Variants in SLCO1B1 observed in about 807,000 individuals in gnomAD.
SLCO1B1 encodes the protein solute carrier organic anion transporter family member 1B1.
A neutral mutation model predicts 70.1 loss-of-function variants in SLCO1B1; 81 were observed. The observed-to-expected ratio is 1.16, with a 90% CI of 0.97 to 1.39. SLCO1B1 has a LOEUF of 1.39. SLCO1B1 is among the 40% of genes most tolerant of loss of function. SLCO1B1 has a pLI of 0.00. For synonymous variants in SLCO1B1, 283 were observed against 271.5 expected (o/e 1.04, Z -0.42); for missense variants, 895 against 799.6 (o/e 1.12, Z -1.44).
At position 21,217,051 on chromosome 12, in the gene SLCO1B1, G is replaced by A. The variant is rs4149072; in HGVS notation, c.1498-68G>A. On this transcript the variant is annotated intron_variant, in intron 11 of 14. Transcript: ENST00000256958. ...CAAGTGAGACTTCACTAAATATAAT[G>A]CAATGTATTTGCAGCACTGTTAGGT... The A allele has an allele frequency of 0.078, 88,247 of 1,131,958 alleles. 6,376 individuals carry two copies. The highest frequency in any genetic ancestry group is 0.29 in the East Asian group (12,366 of 42,530). The allele number at this position is 1,131,958 out of a possible 1,614,324, so 70.1% of individuals were successfully genotyped here.
intron 14 of SLCO1B1, among the ~76,000 whole-genome samples, chr12:21,228,730 G>A (rs1325467290): frequency 2.6e-5 from 4 of 152,116 alleles, no homozygotes; most frequent in African/African-American, 4.8e-5. Context: ...AAAAGCGAAG[G>A]AACAGCTTAT....
At chr12:21,164,893 TA>T in intron 2 of SLCO1B1, 1 of 461,784 alleles carries the variant, frequency 2.2e-6, no homozygotes, top group South Asian at 1.6e-5. Context: ...ATACATATTA[TA>T]CTGTCATTAT....
chr12:21,196,894 C>G (rs1217914891), intron 7 of SLCO1B1, 52 bp from the exon 8 acceptor site: 12 of 1,549,684 alleles, frequency 7.7e-6, no homozygotes, highest in Non-Finnish European at 1.1e-5. Flanking sequence ...TTCCCTGAAC[C>G]TATTGTATTT....
At chr12:21,189,447 T>C (rs1941002540) in intron 7 of SLCO1B1, among the ~76,000 whole-genome samples, 1 of 133,578 alleles carries the variant, frequency 7.5e-6, no homozygotes, top group Non-Finnish European at 1.6e-5. Context: ...AATTGTTTTT[T>C]CAAATTAATT....
intron 14 of SLCO1B1, among the ~76,000 whole-genome samples, chr12:21,226,496 G>C (rs959390090): frequency 3.3e-5 from 5 of 151,996 alleles, no homozygotes; most frequent in Admixed American, 2.6e-4. Context: ...TTTTGTAAAA[G>C]GGCCAAACTA....
chr12:21,186,190 AC>A (rs1389389021), intron 7 of SLCO1B1, among the ~76,000 whole-genome samples: 5 of 152,246 alleles, frequency 3.3e-5, no homozygotes, highest in African/African-American at 9.6e-5. Flanking sequence ...ACACATATGT[AC>A]CTCATATTAT....
intron 5 of SLCO1B1, 37 bp from the exon 6 acceptor site, chr12:21,178,539 T>C (rs780909054): frequency 1.4e-5 from 20 of 1,472,018 alleles, no homozygotes; most frequent in Non-Finnish European, 1.7e-5. Flanking sequence ...AATGCTAAAA[T>C]TAATGTTTAA....
chr12:21,186,595 A>G (rs1028272024), intron 7 of SLCO1B1, among the ~76,000 whole-genome samples: 10 of 152,110 alleles, frequency 6.6e-5, no homozygotes, highest in Admixed American at 5.9e-4. Context: ...CTTGATATAT[A>G]ATGCAGATTG....
chr12:21,204,493 G>A (rs1354736661), intron 10 of SLCO1B1, among the ~76,000 whole-genome samples: 8 of 147,998 alleles, frequency 5.4e-5, no homozygotes, highest in Admixed American at 2.0e-4. Context: ...GAGTGTGAAG[G>A]ACTTCTGAGA....
chr12:21,195,308 G>A (rs1229067740), intron 7 of SLCO1B1, among the ~76,000 whole-genome samples: 2 of 152,108 alleles, frequency 1.3e-5, no homozygotes, highest in Non-Finnish European at 1.5e-5. Context: ...TTTAGACAGT[G>A]GACAGAGAAG....
At chr12:21,212,449 T>A (rs1014362697) in intron 11 of SLCO1B1, among the ~76,000 whole-genome samples, 2 of 143,172 alleles carry the variant, frequency 1.4e-5, no homozygotes, top group African/African-American at 5.3e-5. Flanking sequence ...TAATTTCTGT[T>A]CTTTTCCATT....
intron 7 of SLCO1B1, among the ~76,000 whole-genome samples, chr12:21,179,631 C>G (rs1940868615): frequency 6.6e-6 from 1 of 151,796 alleles, no homozygotes; most frequent in African/African-American, 2.4e-5. Context: ...GTTATAAAAA[C>G]TGTCTCAACT....
chr12:21,239,131 T>C lies in SLCO1B1; in HGVS notation c.2018T>C (p.Leu673Ser). 1 of 1,613,138 alleles carries C rather than the reference T, an allele frequency of 6.2e-7. No individual in the cohort carries two copies. Among genetic ancestry groups the C allele is most frequent in the Non-Finnish European group, 8.5e-7 (1 of 1,179,414 alleles). ...SVMDEANLES[L>S]NKNKHFVPSA... ...ATGGATGAAGCAAACTTAGAATCCT[T>C]AAATAAAAATAAACATTTTGTCCCT... is the stretch of plus-strand genomic sequence containing the variant. Residue 673 changes from leucine (L) to serine (S), a missense_variant, in exon 15 of 15, where the codon TTA becomes TCA. Coordinates refer to ENST00000256958, the MANE Select transcript of SLCO1B1 (RefSeq NM_006446.5).
intron 3 of SLCO1B1, among the ~76,000 whole-genome samples, chr12:21,173,357 A>G (rs1940778071): frequency 6.6e-6 from 1 of 152,082 alleles, no homozygotes; most frequent in Non-Finnish European, 1.5e-5. Flanking sequence ...ATTTTTTTCT[A>G]GATAATTTAT....
intron 2 of SLCO1B1, among the ~76,000 whole-genome samples, chr12:21,158,155 G>A (rs1940566025): frequency 6.6e-6 from 1 of 152,136 alleles, no homozygotes; most frequent in South Asian, 2.1e-4. Flanking sequence ...TTTAACAAGT[G>A]TATACCCATC....
In SLCO1B1 at chr12:21,200,692, T is replaced by C. The variant is rs369729507; in HGVS notation, c.1135+20T>C. On this transcript the variant is annotated intron_variant, in intron 9 of 14. Transcript: ENST00000256958. ...TATTGGGTAAGACATATTTTTTACT[T>C]GTGTGCTTAATAAGTGAAATAATAC... 3.1e-4 allele frequency: 497 copies of C among 1,603,948 alleles called. No homozygotes were observed. Among genetic ancestry groups the C allele is most frequent in the Non-Finnish European group, 3.9e-4 (456 of 1,172,868 alleles).
At chr12:21,167,449 G>A (rs1940699890) in intron 2 of SLCO1B1, among the ~76,000 whole-genome samples, 2 of 152,082 alleles carry the variant, frequency 1.3e-5, no homozygotes, top group African/African-American at 4.8e-5. Flanking sequence ...AAAATGTTGT[G>A]GAACTCTTAT....
intron 2 of SLCO1B1, among the ~76,000 whole-genome samples, chr12:21,165,800 C>T (rs1940677192): frequency 6.6e-6 from 1 of 152,006 alleles, no homozygotes; most frequent in African/African-American, 2.4e-5. Flanking sequence ...AGAAATTGAC[C>T]ATGCTGGCAC....
chr12:21,185,165 T>C (rs1349024986), intron 7 of SLCO1B1, among the ~76,000 whole-genome samples: 1 of 151,966 alleles, frequency 6.6e-6, no homozygotes, highest in Non-Finnish European at 1.5e-5. Context: ...ACCATGATAG[T>C]GGAAGACTTC....
Sources: gnomAD v4.1 joint callset for allele counts (sites outside exome capture counted in the v4.1 genomes callset) on GRCh38, gnomAD v4.1.1 for gene constraint, MANE v1.5 for transcripts, NCBI Gene and HGNC (gene_info 2026-07-23, HGNC 2026-07-21) for gene names.